The following PCDH11X variants were observed in gnomAD, a reference collection of about 807,000 sequenced individuals.
PCDH11X encodes the protein protocadherin-11 X-linked.
PCDH11X carries 18 observed loss-of-function variants against 53.3 expected under a neutral mutation model. The ratio of observed to expected loss-of-function variants is 0.34; its 90% CI spans 0.23 to 0.50. The LOEUF (loss-of-function observed/expected upper bound fraction) is 0.50, where lower values mean the gene tolerates loss of function less well. Ranked by LOEUF, PCDH11X falls within the 20% of genes least tolerant of loss-of-function variation. PCDH11X has a pLI of 0.98. For missense variants in PCDH11X, 570 were observed against 1,032.4 expected, an observed-to-expected ratio of 0.55 and a Z score of 6.14; for synonymous variants, 279 against 393.3, an observed-to-expected ratio of 0.71 and a Z score of 3.44.
Position 92,599,704 on chromosome X carries a change from C to T in PCDH11X, c.3368-18560C>T, listed in dbSNP as rs190585123. 1.1e-3 allele frequency among the ~76,000 whole-genome samples: 117 copies of T among 111,349 alleles called. 9 individuals carry two copies. The East Asian group carries it at 0.013, about 12-fold the overall frequency. On this transcript the variant is annotated intron_variant, in intron 10 of 10. Coordinates refer to ENST00000682573, the MANE Select transcript of PCDH11X (RefSeq NM_032968.5). ...GGCGCTGTTATTATATTAAGATACC[C>T]GAAAATGTGGAAGTGACTTTGGAAC...
In PCDH11X at chrX:92,403,451, C is replaced by T. The variant is rs1415869224; in HGVS notation, c.3343+15518C>T. On this transcript the variant is annotated intron_variant, in intron 9 of 10. Coordinates refer to ENST00000682573, the MANE Select transcript of PCDH11X (RefSeq NM_032968.5). ...TTCTGCTAAGTCAAGTTGTAAATAT[C>T]TCGTTTAGTCTGCTACTACAGTAAC... 3.0e-5 allele frequency among the ~76,000 whole-genome samples: 3 copies of T among 98,470 alleles called. No homozygotes were observed. The Admixed American group carries it at 3.7e-4, about 12-fold the overall frequency. 85.5% of individuals were successfully genotyped at this position (98,470 alleles called of 115,157 possible). A position where few individuals can be genotyped will look rare whatever the true frequency, so the allele number is the denominator to read the frequency against.
At chrX:92,309,108 T>TGACA (rs2068891738) in intron 8 of PCDH11X, among the ~76,000 whole-genome samples, 1 of 111,945 alleles carries the variant, frequency 8.9e-6, no homozygotes, top group Non-Finnish European at 1.9e-5. Flanking sequence ...TAAACAGAAC[T>TGACA]GACATATGAT....
intron 6 of PCDH11X, among the ~76,000 whole-genome samples, chrX:92,186,750 C>T (rs1319425213): frequency 9.0e-6 from 1 of 110,510 alleles, no homozygotes; most frequent in Non-Finnish European, 1.9e-5. Flanking sequence ...TAGGTTCTAG[C>T]TTTCATAGCA....
At chrX:92,273,357 G>T (rs2068001567) in intron 8 of PCDH11X, among the ~76,000 whole-genome samples, 1 of 111,181 alleles carries the variant, frequency 9.0e-6, no homozygotes, top group Admixed American at 9.6e-5. Flanking sequence ...CTCAGTTAAG[G>T]TGGGGTAGGA....
chrX:92,038,429 C>G (rs1442577718), intron 6 of PCDH11X, among the ~76,000 whole-genome samples: 1 of 110,865 alleles, frequency 9.0e-6, no homozygotes, highest in Non-Finnish European at 1.9e-5. Context: ...TCAGAGGGCG[C>G]AAGCCTCAAG....
intron 10 of PCDH11X, chrX:92,515,418 T>G (rs753746561): frequency 1.7e-5 from 5 of 294,579 alleles, no homozygotes; most frequent in African/African-American, 1.4e-4. Context: ...CTCAAGGAAG[T>G]TGCTGGGGGA....
At chrX:92,324,496 C>G (rs1229975165) in intron 8 of PCDH11X, among the ~76,000 whole-genome samples, 1 of 111,398 alleles carries the variant, frequency 9.0e-6, no homozygotes, top group African/African-American at 3.3e-5. Context: ...AACTTGGTGA[C>G]ATCCTTCTAG....
At chrX:92,256,189 C>T (rs183675838) in intron 7 of PCDH11X, among the ~76,000 whole-genome samples, 4,096 of 110,660 alleles carry the variant, frequency 0.037, 81 homozygotes, top group Middle Eastern at 0.079. Context: ...GGGAGTGACC[C>T]GATTTTCCCG....
chrX:92,517,876 T>C (rs1402932406), intron 10 of PCDH11X, among the ~76,000 whole-genome samples: 2 of 110,387 alleles, frequency 1.8e-5, no homozygotes, highest in Non-Finnish European at 3.8e-5. Context: ...TAAAAAATGT[T>C]ACTGTTTTCA....
intron 6 of PCDH11X, among the ~76,000 whole-genome samples, chrX:91,996,271 C>T (rs1418902807): frequency 9.7e-6 from 1 of 103,414 alleles, no homozygotes. Flanking sequence ...TGCTCAGCCT[C>T]CCGAGTAGCT....
intron 6 of PCDH11X, among the ~76,000 whole-genome samples, chrX:92,080,924 G>A (rs945398899): frequency 4.5e-5 from 5 of 110,982 alleles, no homozygotes; most frequent in African/African-American, 1.6e-4. Context: ...TCAGTTTCCT[G>A]TTCTTGGTGA....
intron 10 of PCDH11X, among the ~76,000 whole-genome samples, chrX:92,589,772 T>C: frequency 9.0e-6 from 1 of 111,086 alleles, no homozygotes; most frequent in African/African-American, 3.3e-5. Flanking sequence ...GGGCTATTAG[T>C]ACAAGGTAAC....
At chrX:92,461,168 AAACACCG>A (rs1426672645) in intron 9 of PCDH11X, among the ~76,000 whole-genome samples, 1 of 110,194 alleles carries the variant, frequency 9.1e-6, no homozygotes, top group Non-Finnish European at 1.9e-5. Flanking sequence ...ATTCCTATCA[AAACACCG>A]ATGACATTCT....
intron 9 of PCDH11X, among the ~76,000 whole-genome samples, chrX:92,406,054 A>G (rs1369000308): frequency 1.1e-5 from 1 of 92,803 alleles, no homozygotes; most frequent in Non-Finnish European, 2.1e-5. Flanking sequence ...GAGATCTATC[A>G]CGCCACTGCA....
chrX:91,972,812 C>A (rs111882282), intron 6 of PCDH11X, among the ~76,000 whole-genome samples: 2,495 of 110,953 alleles, frequency 0.022, 62 homozygotes, highest in African/African-American at 0.076. Context: ...ATCTATGGTA[C>A]CAGTACCATG....
At chrX:92,147,980 C>CTTTCTTTCTTTCTTT (rs1569388717) in intron 6 of PCDH11X, among the ~76,000 whole-genome samples, 5 of 78,581 alleles carry the variant, frequency 6.4e-5, no homozygotes, top group African/African-American at 3.6e-4. Context: ...TTCCTTCCTT[C>CTTTCTTTCTTTCTTT]CTTCCTTTCT....
At chrX:91,985,027 G>A (rs2062206986) in intron 6 of PCDH11X, among the ~76,000 whole-genome samples, 1 of 111,551 alleles carries the variant, frequency 9.0e-6, no homozygotes, top group South Asian at 3.8e-4. Flanking sequence ...CAGCCTTGAT[G>A]TCAGGACTTT....
intron 10 of PCDH11X, among the ~76,000 whole-genome samples, chrX:92,545,562 G>C (rs906684409): frequency 9.2e-6 from 1 of 108,515 alleles, no homozygotes; most frequent in Non-Finnish European, 1.9e-5. Context: ...CCATCATGCC[G>C]GGCTAATTTT....
intron 6 of PCDH11X, among the ~76,000 whole-genome samples, chrX:92,107,288 G>T (rs775053525): frequency 2.7e-5 from 3 of 112,110 alleles, no homozygotes; most frequent in South Asian, 7.4e-4. Flanking sequence ...AGGGCCTCTT[G>T]AGGCTGTGTC....
Sources: gnomAD v4.1 joint callset for allele counts (sites outside exome capture counted in the v4.1 genomes callset) on GRCh38, gnomAD v4.1.1 for gene constraint, MANE v1.5 for transcripts, NCBI Gene and HGNC (gene_info 2026-07-23, HGNC 2026-07-21) for gene names.